The following GNG13 variants were observed in gnomAD, a reference collection of about 807,000 sequenced individuals.
The protein encoded by GNG13 is guanine nucleotide-binding protein G(I)/G(S)/G(O) subunit gamma-13.
In GNG13, 12 loss-of-function variants were observed where a neutral mutation model predicts 8.2. That is an observed-to-expected ratio of 1.47 (90% CI 0.94 to 2.38). The LOEUF is 2.38. Among genes scored for constraint, GNG13 ranks in the 30% most tolerant of loss-of-function variants. GNG13 has a pLI of 0.00. For missense variants in GNG13, 100 were observed against 85.2 expected, an observed-to-expected ratio of 1.17 and a Z score of -0.68; for synonymous variants, 45 against 33.0, an observed-to-expected ratio of 1.37 and a Z score of -1.25.
At chr16:800,319 G>A (rs1292204869) in intron 1 of GNG13, among the ~76,000 whole-genome samples, 3 of 152,150 alleles carry the variant, frequency 2.0e-5, no homozygotes, top group African/African-American at 4.8e-5. Flanking sequence ...TCCCAGGCCC[G>A]GGGTGTTGGC....
rs2042437760 is a variant in GNG13 at position 800,650 on chromosome 16, T to TCCCATTTACAGCCAACCAAGACC, written c.-35+15_-35+16insGGTCTTGGTTGGCTGTAAATGGG. The TCCCATTTACAGCCAACCAAGACC allele has an allele frequency of 6.6e-6, 1 of 152,148 alleles. No homozygotes were observed. Among genetic ancestry groups the TCCCATTTACAGCCAACCAAGACC allele is most frequent in the Non-Finnish European group, 1.5e-5 (1 of 68,058 alleles). The allele number at this position is 152,148 out of a possible 1,614,324, so 9.4% of individuals were successfully genotyped here. A position where few individuals can be genotyped will look rare whatever the true frequency, so the allele number is the denominator to read the frequency against. On this transcript the variant is annotated intron_variant, in intron 1 of 2. Coordinates refer to ENST00000248150, the MANE Select transcript of GNG13 (RefSeq NM_016541.3). ...CGGGCCCTCCCTAGCCCCGGGCGCC[T>TCCCATTTACAGCCAACCAAGACC]GTTCATCGGACCTACCTTGAAAAGG... is the stretch of plus-strand genomic sequence containing the variant.
At position 799,669 on chromosome 16, in the gene GNG13, G is replaced by C. The variant is rs961919132; in HGVS notation, c.-34-558C>G. On this transcript the variant is annotated intron_variant, in intron 1 of 2. Transcript: ENST00000248150. ...GCTCAGGCTATACTACCCGAGTCTG[G>C]GATATGGGCTGTGGGTGGCCCCTGG... is the stretch of plus-strand genomic sequence containing the variant. Among the ~76,000 whole-genome samples, 7 of 152,288 alleles carry C rather than the reference G, an allele frequency of 4.6e-5. No individual in the cohort carries two copies. The South Asian group carries it at 1.4e-3, about 32-fold the overall frequency.
rs2042410214 is a variant in GNG13, at chr16:798,167, C to T, written c.*552G>A. 4.0e-6 allele frequency: 3 copies of T among 747,880 alleles called. No individual in the cohort carries two copies. The highest frequency in any genetic ancestry group is 2.6e-5 in the East Asian group (1 of 38,280). 46.3% of individuals were successfully genotyped at this position (747,880 alleles called of 1,614,324 possible). On this transcript the variant is annotated 3_prime_UTR_variant, in exon 3 of 3. Transcript: ENST00000248150. ...TGTGAGTGGGGCCAGGAGTGGGGCTCACAGGATGGTGGGAGTGGGGCCAGG... is the reference window on the plus strand; with the variant it reads ...TGTGAGTGGGGCCAGGAGTGGGGCTTACAGGATGGTGGGAGTGGGGCCAGG...
At position 798,836 on chromosome 16, in the gene GNG13, C is replaced by T. The variant is rs374097769; in HGVS notation, c.99-12G>A. ...TCCACTTCAGCAGCCTGCGGGTGGG[C>T]GGGTGGCAGGTGAGTGGTGGCACCT... On this transcript the variant is annotated splice_polypyrimidine_tract_variant and intron_variant, in intron 2 of 2. Transcript: ENST00000248150. 50 of 1,583,826 alleles carry T rather than the reference C, an allele frequency of 3.2e-5. No individual in the cohort carries two copies. The highest frequency in any genetic ancestry group is 8.9e-5 in the East Asian group (4 of 44,696).
At position 798,105 on chromosome 16, in the gene GNG13, T is replaced by C; in HGVS notation, c.*614A>G. On this transcript the variant is annotated 3_prime_UTR_variant, in exon 3 of 3. Coordinates refer to ENST00000248150, the MANE Select transcript of GNG13 (RefSeq NM_016541.3). Reference sequence around the variant, plus strand: ...TGCGAGTGGAGTGGGGTTCACAGGATGGTGGGAGTGGGGCCGGGCGTGGGC... The same window carrying C: ...TGCGAGTGGAGTGGGGTTCACAGGACGGTGGGAGTGGGGCCGGGCGTGGGC... 7.8e-7 allele frequency: 1 copy of C among 1,278,812 alleles called. No homozygotes were observed. Among genetic ancestry groups the C allele is most frequent in the Non-Finnish European group, 1.1e-6 (1 of 930,486 alleles). The allele number at this position is 1,278,812 out of a possible 1,614,324, so 79.2% of individuals were successfully genotyped here.
chr16:799,953 C>T (rs913657034), intron 1 of GNG13, among the ~76,000 whole-genome samples: 3 of 152,098 alleles, frequency 2.0e-5, no homozygotes, highest in Admixed American at 6.5e-5. Context: ...CGTCAAGTTT[C>T]GGGGAGCCTG....
At chr16:800,303 G>A (rs974389542) in intron 1 of GNG13, among the ~76,000 whole-genome samples, 3 of 152,164 alleles carry the variant, frequency 2.0e-5, no homozygotes, top group African/African-American at 4.8e-5. Flanking sequence ...AGCTGCGTGC[G>A]GGTCCTCCCA....
At position 798,224 on chromosome 16, in the gene GNG13, G is replaced by A. The variant is rs557059186; in HGVS notation, c.*495C>T. 108 of 617,718 alleles carry A rather than the reference G, an allele frequency of 1.7e-4. No individual in the cohort carries two copies. The highest frequency in any genetic ancestry group is 1.6e-3 in the African/African-American group (83 of 50,632). 38.3% of individuals were successfully genotyped at this position (617,718 alleles called of 1,614,324 possible). On this transcript the variant is annotated 3_prime_UTR_variant, in exon 3 of 3. Transcript: ENST00000248150. ...CTCACAGGATAGAGTGAGTGGGGCCGGGCGTGGTCTCACAGGATGGAGTGA... is the reference window on the plus strand; with the variant it reads ...CTCACAGGATAGAGTGAGTGGGGCCAGGCGTGGTCTCACAGGATGGAGTGA...
Position 798,883 on chromosome 16 carries a change from G to A in GNG13, c.99-59C>T, listed in dbSNP as rs540315164. On this transcript the variant is annotated intron_variant, in intron 2 of 2. Transcript: ENST00000248150. The stretch of plus-strand genomic sequence containing the variant: ...ACCTGACCCCCGAGGGCCTCCTGCT[G>A]CACCTGCCTGTCGGCGGCGGTGGTC... The A allele has an allele frequency of 2.1e-5, 28 of 1,361,022 alleles. No homozygotes were observed. The East Asian group carries it at 5.5e-4, about 27-fold the overall frequency. The allele number at this position is 1,361,022 out of a possible 1,614,324, so 84.3% of individuals were successfully genotyped here.
Position 798,713 on chromosome 16 carries a change from C to T in GNG13, c.*6G>A, listed in dbSNP as rs373523916. 7.6e-5 allele frequency: 118 copies of T among 1,551,298 alleles called. No individual in the cohort carries two copies. The highest frequency in any genetic ancestry group is 9.6e-5 in the Non-Finnish European group (108 of 1,128,334). On this transcript the variant is annotated 3_prime_UTR_variant, in exon 3 of 3. Coordinates refer to ENST00000248150, the MANE Select transcript of GNG13 (RefSeq NM_016541.3). ...AGGATGGTGTGAGAGGGGCCGGGTG[C>T]GGGGCTCACAGGATGGTGCATTTGC...
intron 1 of GNG13, among the ~76,000 whole-genome samples, chr16:800,249 C>T (rs968133963): frequency 6.6e-6 from 1 of 152,126 alleles, no homozygotes; most frequent in African/African-American, 2.4e-5. Flanking sequence ...CCGGTGCAGG[C>T]CTTTTCTCGG....
At chr16:799,167 C>A in intron 1 of GNG13, 56 bp from the exon 2 acceptor site, 1 of 730,400 alleles carries the variant, frequency 1.4e-6, no homozygotes, top group Non-Finnish European at 2.5e-6. Context: ...TAGTCCCCAC[C>A]CCCGCTGCTC....
In GNG13 at chr16:798,045, T is replaced by C. The variant is rs1263464991; in HGVS notation, c.*674A>G. 6.5e-7 allele frequency: 1 copy of C among 1,542,446 alleles called. No individual in the cohort carries two copies. The highest frequency in any genetic ancestry group is 1.4e-5 in the African/African-American group (1 of 73,696). On this transcript the variant is annotated 3_prime_UTR_variant, in exon 3 of 3. Transcript: ENST00000248150. ...GCAGAGACAGGAAGCTGGAGATGTC[T>C]TTATAAAGTCACACCTTTACAGACT...
Position 799,023 on chromosome 16 carries a change from G to A in GNG13, c.55C>T (p.Gln19Ter). Residue 19 changes from glutamine (Q) to a stop codon, truncating the protein, a stop_gained, in exon 2 of 3, where the codon CAG (glutamine) becomes TAG (stop). Coordinates refer to ENST00000248150, the MANE Select transcript of GNG13 (RefSeq NM_016541.3). LOFTEE classifies it high-confidence loss of function. ...GCCATCTCCCGCTGGAAGGCCAGCT[G>A]GTACTTGAGGCTCTCCACCTCTTTC... ...MKKEVESLKY[Q>*]LAFQREMASK... The A allele has an allele frequency of 1.2e-6, 2 of 1,611,344 alleles. No individual in the cohort carries two copies. The highest frequency in any genetic ancestry group is 1.7e-6 in the Non-Finnish European group (2 of 1,177,782).
Position 798,707 on chromosome 16 carries a change from C to G in GNG13, c.*12G>C, listed in dbSNP as rs369098488. ...TCTCACAGGATGGTGTGAGAGGGGC[C>G]GGGTGCGGGGCTCACAGGATGGTGC... On this transcript the variant is annotated 3_prime_UTR_variant, in exon 3 of 3. Coordinates refer to ENST00000248150, the MANE Select transcript of GNG13 (RefSeq NM_016541.3). The G allele has an allele frequency of 1.3e-6, 2 of 1,522,676 alleles. No individual in the cohort carries two copies. Among genetic ancestry groups the G allele is most frequent in the East Asian group, 4.5e-5 (2 of 44,286 alleles). The allele number at this position is 1,522,676 out of a possible 1,614,324, so 94.3% of individuals were successfully genotyped here.
chr16:800,425 C>G (rs1435476741), intron 1 of GNG13, among the ~76,000 whole-genome samples: 1 of 152,238 alleles, frequency 6.6e-6, no homozygotes, highest in Non-Finnish European at 1.5e-5. Context: ...TGGACGCCCC[C>G]AGCCACGGGA....
Position 799,065 on chromosome 16 carries a change from C to T in GNG13, c.13G>A (p.Asp5Asn), listed in dbSNP as rs376539534. Residue 5 changes from aspartate (D) to asparagine (N), a missense_variant, in exon 2 of 3, where the codon GAC becomes AAC. Physicochemically the swap from Asp to Asn is conservative, Grantham distance 23. Coordinates refer to ENST00000248150, the MANE Select transcript of GNG13 (RefSeq NM_016541.3). MEEWDVPQMKKEVES... is the reference protein window; with the variant it reads MEEWNVPQMKKEVES... The stretch of plus-strand genomic sequence containing the variant: ...ACCTCTTTCTTCATCTGTGGCACGT[C>T]CCACTCCTCCATGGGGTCAGGGGCT... The T allele has an allele frequency of 8.7e-5, 139 of 1,602,394 alleles. No individual in the cohort carries two copies. The highest frequency in any genetic ancestry group is 1.1e-4 in the Non-Finnish European group (133 of 1,169,932).
At chr16:800,454 C>G (rs992217013) in intron 1 of GNG13, among the ~76,000 whole-genome samples, 16 of 152,192 alleles carry the variant, frequency 1.1e-4, no homozygotes, top group Non-Finnish European at 2.2e-4. Flanking sequence ...GCACTGCAGG[C>G]GGCGCACGGC....
intron 1 of GNG13, among the ~76,000 whole-genome samples, chr16:799,666 CTG>C (rs1414560547): frequency 1.3e-5 from 2 of 152,174 alleles, no homozygotes; most frequent in Non-Finnish European, 2.9e-5. Context: ...CTACCCGAGT[CTG>C]GGATATGGGC....
Sources: allele counts gnomAD v4.1 joint callset (sites outside exome capture counted in the v4.1 genomes callset), GRCh38; gene constraint gnomAD v4.1.1; transcripts MANE v1.5; gene names NCBI Gene and HGNC (gene_info 2026-07-23, HGNC 2026-07-21).